The following UBAP2 variants were observed in gnomAD, a reference collection of about 807,000 sequenced individuals.
UBAP2 encodes ubiquitin-associated protein 2.
Under a neutral mutation model 139.6 loss-of-function variants are expected in UBAP2, and 75 were observed. The observed-to-expected ratio is 0.54, with a 90% CI of 0.45 to 0.65. UBAP2 has a LOEUF of 0.65. Among genes scored for constraint, UBAP2 ranks in the 30% least tolerant of loss-of-function variants. The pLI, the probability that UBAP2 is intolerant of heterozygous loss-of-function variation, is 0.00. For missense variants in UBAP2, 1,368 were observed against 1,369.6 expected (o/e 1.00, Z 0.02); for synonymous variants, 526 against 526.2 (o/e 1.00, Z 0.01).
At chr9:34,042,283 C>T (rs1827165402) in intron 1 of UBAP2, among the ~76,000 whole-genome samples, 1 of 151,534 alleles carries the variant, frequency 6.6e-6, no homozygotes, top group Non-Finnish European at 1.5e-5. Context: ...TTGAGACCAG[C>T]CTGGCCAACA....
At chr9:33,945,425 G>A (rs1238195658) in intron 13 of UBAP2, among the ~76,000 whole-genome samples, 2 of 151,958 alleles carry the variant, frequency 1.3e-5, no homozygotes, top group African/African-American at 2.4e-5. Context: ...ACGTGAACCC[G>A]GGAGGCGGAG....
At chr9:34,013,368 G>A (rs1166918069) in intron 2 of UBAP2, among the ~76,000 whole-genome samples, 5 of 151,936 alleles carry the variant, frequency 3.3e-5, no homozygotes, top group Admixed American at 3.3e-4. Context: ...TGACCAACAT[G>A]GTGAAACCCC....
At chr9:33,985,229 A>T (rs768341257) in intron 6 of UBAP2, among the ~76,000 whole-genome samples, 1 of 152,140 alleles carries the variant, frequency 6.6e-6, no homozygotes, top group Non-Finnish European at 1.5e-5. Flanking sequence ...ATATTTAAAC[A>T]AATTTATGGG....
At chr9:33,955,344 C>T (rs756035866) in intron 11 of UBAP2, among the ~76,000 whole-genome samples, 136 of 151,764 alleles carry the variant, frequency 9.0e-4, no homozygotes, top group Non-Finnish European at 1.6e-3. Flanking sequence ...TATGGTGAAA[C>T]CCCGTCTCCA....
At chr9:33,947,691 G>A (rs1456070682) in intron 13 of UBAP2, among the ~76,000 whole-genome samples, 1 of 151,814 alleles carries the variant, frequency 6.6e-6, no homozygotes, top group Non-Finnish European at 1.5e-5. Context: ...CAGGAGTGAC[G>A]GCATGTGCCT....
In UBAP2 at chr9:33,941,882, T is replaced by C. The variant is rs1825242796; in HGVS notation, c.1716-20A>G. On this transcript the variant is annotated intron_variant, in intron 15 of 28. Coordinates refer to ENST00000379238, the MANE Select transcript of UBAP2 (RefSeq NM_001370062.2). ...GGCTCACTGAAAAGAGTCAAAAATATTCAACATAATTTTGTTACTTTAAAT... is the reference window on the plus strand; with the variant it reads ...GGCTCACTGAAAAGAGTCAAAAATACTCAACATAATTTTGTTACTTTAAAT... The C allele has an allele frequency of 3.8e-6, 6 of 1,585,624 alleles. No homozygotes were observed. Among genetic ancestry groups the C allele is most frequent in the Non-Finnish European group, 4.3e-6 (5 of 1,158,454 alleles).
At chr9:33,970,874 C>A (rs893262127) in intron 8 of UBAP2, among the ~76,000 whole-genome samples, 5 of 152,346 alleles carry the variant, frequency 3.3e-5, no homozygotes, top group East Asian at 1.9e-4. Context: ...ACGATCTCGG[C>A]TCATTGCAAC....
chr9:33,953,387 G>A lies in UBAP2; in HGVS notation c.954C>T (p.Gly318=). 2 of 1,614,192 alleles carry A rather than the reference G, an allele frequency of 1.2e-6. No individual in the cohort carries two copies. The highest frequency in any genetic ancestry group is 8.5e-7 in the Non-Finnish European group (1 of 1,180,012). The change falls in exon 12 of 29, where the codon GGC becomes GGT. Residue 318 remains glycine, a synonymous_variant. Coordinates refer to ENST00000379238, the MANE Select transcript of UBAP2 (RefSeq NM_001370062.2). The stretch of plus-strand genomic sequence containing the variant: ...TTGTGAAGACAAGGGCTTGGCCAAA[G>A]CCCTGCTGTTGGGAAGTTTCAAAGG... ...ANSFETSQQQ[G]FGQALVFTNS... is the part of the protein sequence containing the mutation.
intron 8 of UBAP2, among the ~76,000 whole-genome samples, chr9:33,970,737 AT>A (rs1827853837): frequency 6.6e-6 from 1 of 152,098 alleles, no homozygotes. Context: ...GGCCTTGATA[AT>A]TTATTGAGCT....
At chr9:33,923,531 G>A in intron 24 of UBAP2, 53 bp from the exon 25 acceptor site, 1 of 1,567,694 alleles carries the variant, frequency 6.4e-7, no homozygotes, top group Non-Finnish European at 8.8e-7. Context: ...AGCTGAGGCT[G>A]GTCAGGTACC....
chr9:33,975,642 CA>C (rs200263941), intron 6 of UBAP2, among the ~76,000 whole-genome samples: 1 of 143,374 alleles, frequency 7.0e-6, no homozygotes, highest in Non-Finnish European at 1.5e-5. Flanking sequence ...ACTAAAAATA[CA>C]AAAAAAAGAA....
At chr9:33,998,669 C>T in intron 3 of UBAP2, 118 bp downstream of exon 3, 1 of 836,516 alleles carries the variant, frequency 1.2e-6, no homozygotes, top group Non-Finnish European at 1.8e-6. Flanking sequence ...ATACAGATTT[C>T]AGGTGAGACT....
At chr9:34,001,463 T>TA (rs1259109734) in intron 2 of UBAP2, among the ~76,000 whole-genome samples, 4 of 152,210 alleles carry the variant, frequency 2.6e-5, no homozygotes, top group South Asian at 2.1e-4. Flanking sequence ...AAACTAGACT[T>TA]AGAGTCACAA....
intron 1 of UBAP2, among the ~76,000 whole-genome samples, chr9:34,018,451 T>TA (rs914044633): frequency 8.0e-4 from 117 of 145,516 alleles, no homozygotes; most frequent in Admixed American, 1.1e-3. Flanking sequence ...GGTGGTTCCT[T>TA]AAAAAAAAAA....
chr9:33,997,142 G>C (rs142074005), intron 3 of UBAP2: 4 of 152,220 alleles, frequency 2.6e-5, no homozygotes, highest in African/African-American at 7.2e-5. Context: ...CACACTCCTA[G>C]ACATATTTTC....
At position 33,963,780 on chromosome 9, in the gene UBAP2, T is replaced by C. The variant is rs956025267; in HGVS notation, c.691A>G (p.Asn231Asp). Residue 231 changes from asparagine (N) to aspartate (D), a missense_variant, in exon 9 of 29, where the codon AAT becomes GAT. Physicochemically the swap from Asn to Asp is conservative, Grantham distance 23 (BLOSUM62 1). Coordinates refer to ENST00000379238, the MANE Select transcript of UBAP2 (RefSeq NM_001370062.2). ...GADEGTELAS[N>D]THNIAQDLSN... The stretch of plus-strand genomic sequence containing the variant: ...AGATCCTGAGCTATGTTGTGAGTAT[T>C]TGATGCCAGTTCTGTGGACCAATGT... 6 of 1,612,246 alleles carry C rather than the reference T, an allele frequency of 3.7e-6. No homozygotes were observed. The East Asian group carries it at 6.7e-5, about 18-fold the overall frequency.
intron 12 of UBAP2, among the ~76,000 whole-genome samples, chr9:33,953,081 T>C (rs1025397756): frequency 2.0e-5 from 3 of 152,146 alleles, no homozygotes; most frequent in East Asian, 3.8e-4. Context: ...TTTTGCCCAG[T>C]CTGGTTTCAA....
intron 1 of UBAP2, among the ~76,000 whole-genome samples, chr9:34,022,584 T>C (rs1825056569): frequency 1.3e-5 from 2 of 151,750 alleles, no homozygotes; most frequent in Admixed American, 6.6e-5. Flanking sequence ...TATAGGTATG[T>C]GCCACCGTGC....
intron 1 of UBAP2, among the ~76,000 whole-genome samples, chr9:34,022,606 T>G (rs1024709279): frequency 5.3e-5 from 8 of 151,944 alleles, no homozygotes; most frequent in Admixed American, 2.0e-4. Context: ...CAGCCGATTT[T>G]TTTTGTATTT....
Sources: allele counts gnomAD v4.1 joint callset (sites outside exome capture counted in the v4.1 genomes callset), GRCh38; gene constraint gnomAD v4.1.1; transcripts MANE v1.5; gene names NCBI Gene and HGNC (gene_info 2026-07-23, HGNC 2026-07-21).